The following FH variants were observed in gnomAD, a reference collection of about 807,000 sequenced individuals.
FH encodes fumarate hydratase.
Under a neutral mutation model 49.4 loss-of-function variants are expected in FH, and 22 were observed. The observed-to-expected ratio is 0.45, with a 90% confidence interval of 0.32 to 0.64. The LOEUF is 0.64. Among genes scored for constraint, FH ranks in the 30% least tolerant of loss-of-function variants. FH has a pLI of 0.05. For missense variants in FH, 526 were observed against 641.5 expected, an observed-to-expected ratio of 0.82 and a Z score of 1.95; for synonymous variants, 208 against 223.0, an observed-to-expected ratio of 0.93 and a Z score of 0.60.
chr1:241,515,449 T>C lies in FH; in HGVS notation c.267+1733A>G, dbSNP rs536559366. Among the ~76,000 whole-genome samples the C allele has an allele frequency of 9.2e-5, 14 of 152,228 alleles. 1 individual carries two copies. In the South Asian group the frequency reaches 2.9e-3, roughly 32 times the overall value. The stretch of plus-strand genomic sequence containing the variant: ...TGAATAATATGAGATTATTTTAGGA[T>C]TGGTCACTACCCTTTTTCACCTAAC... On this transcript the variant is annotated intron_variant, in intron 2 of 9. Transcript: ENST00000366560.
rs1260007300 is a variant in FH at position 241,517,316 on chromosome 1, C to T, written c.133G>A (p.Ala45Thr). The T allele has an allele frequency of 6.2e-7, 1 of 1,613,756 alleles. No homozygotes were observed. The highest frequency in any genetic ancestry group is 8.5e-7 in the Non-Finnish European group (1 of 1,180,020). The change falls in exon 2 of 10, where the codon GCA becomes ACA. Residue 45 changes from alanine (A) to threonine (T), a missense_variant and splice_region_variant. This residue lies in a region of FH where 143 missense variants were observed against 127.5 expected (regional missense o/e 1.12). Coordinates refer to ENST00000366560, the MANE Select transcript of FH (RefSeq NM_000143.4). ...SFWPPNAARMASQNSFRIEYD... is the reference protein window; with the variant it reads ...SFWPPNAARMTSQNSFRIEYD... Reference sequence around the variant, plus strand: ...TCTATCCGGAAGGAATTTTGGCTTGCCTAAAGACAAGAATACAACACTATT... The same window carrying T: ...TCTATCCGGAAGGAATTTTGGCTTGTCTAAAGACAAGAATACAACACTATT...
intron 2 of FH, among the ~76,000 whole-genome samples, chr1:241,515,479 T>C (rs1660191604): frequency 6.6e-6 from 1 of 152,244 alleles, no homozygotes; most frequent in Admixed American, 6.5e-5. Flanking sequence ...CCTAACCACG[T>C]AGTCAAACTA....
intron 8 of FH, 36 bp downstream of exon 8, chr1:241,502,407 G>C (rs199782639): frequency 7.4e-6 from 12 of 1,612,210 alleles, no homozygotes; most frequent in Non-Finnish European, 1.0e-5. Context: ...ATAAGCCTTT[G>C]GTCAAAAAAC....
intron 8 of FH, among the ~76,000 whole-genome samples, chr1:241,501,570 G>A (rs1038652389): frequency 1.3e-5 from 2 of 152,042 alleles, no homozygotes; most frequent in African/African-American, 2.4e-5. Context: ...TCTCTATTAT[G>A]CATCCAGTAC....
intron 4 of FH, among the ~76,000 whole-genome samples, chr1:241,509,778 AACACACACACACACACACACACAC>A (rs71174810): frequency 3.6e-5 from 5 of 139,290 alleles, no homozygotes; most frequent in Admixed American, 7.2e-5. Context: ...ACAATCTCTA[AACACACACACACACACACACACAC>A]ACACACACAC....
Position 241,519,734 on chromosome 1 carries a change from A to C in FH, c.-12T>G. 1 of 1,523,760 alleles carries C rather than the reference A, an allele frequency of 6.6e-7. No individual in the cohort carries two copies. Among genetic ancestry groups the C allele is most frequent in the Non-Finnish European group, 8.8e-7 (1 of 1,130,852 alleles). 94.4% of individuals were successfully genotyped at this position (1,523,760 alleles called of 1,614,324 possible). On this transcript the variant is annotated 5_prime_UTR_variant, in exon 1 of 10. Coordinates refer to ENST00000366560, the MANE Select transcript of FH (RefSeq NM_000143.4). ...AGTGCTCGGTACATGGTGCTGAGGG[A>C]GCTTGGGTAGAATTTCTGGGCGGCT...
Position 241,497,959 on chromosome 1 carries a change from C to A in FH, c.1402G>T (p.Ala468Ser). ...TGTGCTGTCTTAGCAATCTTTGCTGCCTTGTCATACCCTGAAGAAAAAATA... is the reference window on the plus strand; with the variant it reads ...TGTGCTGTCTTAGCAATCTTTGCTGACTTGTCATACCCTGAAGAAAAAATA... ...ALNPHIGYDK[A>S]AKIAKTAHKN... The change falls in exon 10 of 10, where the codon GCA becomes TCA. Residue 468 changes from alanine to serine, a missense_variant. Physicochemically the swap from Ala to Ser is moderately conservative, Grantham distance 99. This residue lies in a region of FH where 383 missense variants were observed against 514.0 expected (regional missense o/e 0.75). Transcript: ENST00000366560. 6.2e-7 allele frequency: 1 copy of A among 1,613,922 alleles called. No individual in the cohort carries two copies. Among genetic ancestry groups the A allele is most frequent in the Non-Finnish European group, 8.5e-7 (1 of 1,179,950 alleles).
Position 241,504,231 on chromosome 1 carries a change from T to G in FH, c.919A>C (p.Thr307Pro). ...VAALTGLPFV[T>P]APNKFEALAA... ...AGAGCTTCAAATTTATTCGGAGCAG[T>G]GACAAAAGGCAAGCCTAAAGAAAAG... The change falls in exon 7 of 10, where the codon ACT (threonine) becomes CCT (proline). Residue 307 changes from threonine (T) to proline (P), a missense_variant. Thr to Pro is a conservative substitution (Grantham distance 38). This residue lies in a region of FH where 383 missense variants were observed against 514.0 expected (regional missense o/e 0.75). Coordinates refer to ENST00000366560, the MANE Select transcript of FH (RefSeq NM_000143.4). 4.3e-6 allele frequency: 7 copies of G among 1,613,946 alleles called. No individual in the cohort carries two copies. The highest frequency in any genetic ancestry group is 5.9e-6 in the Non-Finnish European group (7 of 1,179,958).
At chr1:241,512,581 C>T (rs916128122) in intron 3 of FH, among the ~76,000 whole-genome samples, 9 of 152,258 alleles carry the variant, frequency 5.9e-5, no homozygotes, top group Non-Finnish European at 1.2e-4. Context: ...TAGAAATAAA[C>T]GCTGCCCAGA....
intron 1 of FH, 39 bp downstream of exon 1, chr1:241,519,552 T>C: frequency 6.5e-7 from 1 of 1,540,178 alleles, no homozygotes; most frequent in Non-Finnish European, 8.7e-7. Flanking sequence ...GGGCTGAAGG[T>C]CACTGCGGGG....
At chr1:241,517,412 ATAAG>A in intron 1 of FH, 96 bp from the exon 2 acceptor site, 1 of 1,362,628 alleles carries the variant, frequency 7.3e-7, no homozygotes. Flanking sequence ...AGAAACCTGA[ATAAG>A]TATCACAAAG....
At chr1:241,505,230 G>T (rs1173130691) in intron 6 of FH, among the ~76,000 whole-genome samples, 1 of 151,952 alleles carries the variant, frequency 6.6e-6, no homozygotes, top group Non-Finnish European at 1.5e-5. Context: ...ATTTTTTAAA[G>T]TTTCTTTGTC....
intron 2 of FH, among the ~76,000 whole-genome samples, chr1:241,515,995 A>T (rs1306590696): frequency 6.6e-6 from 1 of 152,200 alleles, no homozygotes; most frequent in Non-Finnish European, 1.5e-5. Context: ...TATATGTCAG[A>T]CATGGTTAAG....
chr1:241,505,940 G>A (rs1218738252), intron 6 of FH, 63 bp downstream of exon 6: 9 of 1,477,206 alleles, frequency 6.1e-6, no homozygotes, highest in Non-Finnish European at 7.6e-6. Context: ...GGAACACTCA[G>A]AAAATGTACA....
chr1:241,513,543 G>A (rs1010344515), intron 3 of FH, 60 bp downstream of exon 3: 10 of 1,216,860 alleles, frequency 8.2e-6, no homozygotes, highest in South Asian at 4.8e-5. Flanking sequence ...AGAGCATATC[G>A]TCATCCAGAG....
At chr1:241,499,893 T>C (rs1659725640) in intron 9 of FH, among the ~76,000 whole-genome samples, 1 of 152,220 alleles carries the variant, frequency 6.6e-6, no homozygotes, top group Middle Eastern at 3.2e-3. Flanking sequence ...AAAAAAGACT[T>C]ATAATACAAT....
In FH at chr1:241,504,082, C is replaced by T. The variant is rs951913314; in HGVS notation, c.1068G>A (p.Leu356=). ...GSGPRSGLGE[L]ILPENEPGSS... ...TTCCTGGTTCATTTTCAGGCAAGAT[C>T]AATTCTCCCAGACCTGACCGAGGAC... The change falls in exon 7 of 10, where the codon TTG becomes TTA. Residue 356 remains leucine, a synonymous_variant. Transcript: ENST00000366560. The T allele has an allele frequency of 6.2e-7, 1 of 1,614,086 alleles. No homozygotes were observed. The highest frequency in any genetic ancestry group is 1.3e-5 in the African/African-American group (1 of 74,950).
At position 241,500,571 on chromosome 1, in the gene FH, G is replaced by T; in HGVS notation, c.1256C>A (p.Ser419Ter). 1 of 1,608,370 alleles carries T rather than the reference G, an allele frequency of 6.2e-7. No individual in the cohort carries two copies. The highest frequency in any genetic ancestry group is 8.5e-7 in the Non-Finnish European group (1 of 1,178,634). ...TGAAGCATCCCCCAGCAGCCTGGCT[G>T]AGTGTAACACATTTTTAATCTTTGA... ...KPMMIKNVLH[S>*]ARLLGDASVS... Residue 419 changes from serine (S) to a stop codon, truncating the protein, a stop_gained, in exon 9 of 10, where the codon TCA becomes TAA. Transcript: ENST00000366560. LOFTEE classifies it high-confidence loss of function.
intron 9 of FH, among the ~76,000 whole-genome samples, chr1:241,499,030 G>A (rs2147912161): frequency 6.6e-6 from 1 of 152,044 alleles, no homozygotes; most frequent in Non-Finnish European, 1.5e-5. Context: ...TCTTAAAGCA[G>A]AAATGCTTTG....
Sources: gnomAD v4.1 joint callset for allele counts (sites outside exome capture counted in the v4.1 genomes callset) on GRCh38, gnomAD v4.1.1 for gene constraint, gnomAD v4.1.1 regional missense constraint, MANE v1.5 for transcripts, NCBI Gene and HGNC (gene_info 2026-07-23, HGNC 2026-07-21) for gene names.